Variants in MYT1 observed in about 807,000 individuals in gnomAD.
The protein encoded by MYT1 is myelin transcription factor I.
A neutral mutation model predicts 123.0 loss-of-function variants in MYT1; 23 were observed. That is an observed-to-expected ratio of 0.19 (90% confidence interval 0.13 to 0.26). The LOEUF is 0.26. Ranked by LOEUF, MYT1 falls within the 10% of genes least tolerant of loss-of-function variation. The pLI, the probability that MYT1 is intolerant of heterozygous loss-of-function variation, is 1.00. For missense variants in MYT1, 1,125 were observed against 1,472.5 expected, an observed-to-expected ratio of 0.76 and a Z score of 3.86; for synonymous variants, 518 against 575.3, an observed-to-expected ratio of 0.90 and a Z score of 1.43.
In MYT1 at chr20:64,208,209, C is replaced by T. The variant is rs6010736; in HGVS notation, c.1013C>T (p.Pro338Leu). 6.2e-7 allele frequency: 1 copy of T among 1,614,030 alleles called. No individual in the cohort carries two copies. The highest frequency in any genetic ancestry group is 8.5e-7 in the Non-Finnish European group (1 of 1,180,026). ...LRGPESPSPK[P>L]EYSVIVEVRS... ...GGCCCAGAATCACCCAGTCCCAAGC[C>T]TGAGTACTCTGTTATTGTGGAGGTC... is the stretch of plus-strand genomic sequence containing the variant. Residue 338 changes from proline to leucine, a missense_variant, in exon 7 of 23, where the codon CCT becomes CTT. By Grantham distance (98) the Pro-to-Leu change is moderately conservative. Transcript: ENST00000328439. The surrounding 1 kb of genome is among the most constrained non-coding windows in gnomAD (Gnocchi z 5.4).
intron 16 of MYT1, among the ~76,000 whole-genome samples, chr20:64,226,267 G>A (rs1028087847): frequency 2.0e-5 from 3 of 152,286 alleles, no homozygotes; most frequent in East Asian, 1.9e-4. Flanking sequence ...CCTAGGGGCC[G>A]AAGAGAAGGT....
At chr20:64,170,884 TAGAGAGAGAGAGAGAGAGAG>T (rs71197459) in intron 1 of MYT1, among the ~76,000 whole-genome samples, 6 of 20,010 alleles carry the variant, frequency 3.0e-4, no homozygotes, top group African/African-American at 9.3e-4. Flanking sequence ...TATATATATA[TAGAGAGAGAGAGAGAGAGAG>T]AGAGAGAGAG....
intron 1 of MYT1, among the ~76,000 whole-genome samples, chr20:64,169,919 G>A (rs1482229970): frequency 3.3e-5 from 5 of 152,034 alleles, no homozygotes; most frequent in African/African-American, 4.8e-5. Context: ...GGTGTAGCTC[G>A]AATCTAAGAT....
chr20:64,208,041 A>G lies in MYT1; in HGVS notation c.845A>G (p.Glu282Gly), dbSNP rs745623930. The G allele has an allele frequency of 6.2e-7, 1 of 1,601,330 alleles. No homozygotes were observed. Among genetic ancestry groups the G allele is most frequent in the South Asian group, 1.1e-5 (1 of 88,282 alleles). Residue 282 changes from glutamate to glycine, a missense_variant, in exon 7 of 23, where the codon GAG becomes GGG. Glu to Gly is a moderately conservative substitution (Grantham distance 98). This residue lies in a region of MYT1 where 406 missense variants were observed against 432.2 expected (regional missense o/e 0.94). Coordinates refer to ENST00000328439, the MANE Select transcript of MYT1 (RefSeq NM_004535.3). The surrounding 1 kb of genome is among the most constrained non-coding windows in gnomAD (Gnocchi z 5.4). ...EEDEEEEEEE[E>G]EEEEEEEEEE... ...GATGAAGAAGAGGAAGAGGAAGAGG[A>G]GGAGGAAGAGGAAGAGGAGGAGGAG...
chr20:64,211,077 C>G, intron 7 of MYT1, 129 bp from the exon 8 acceptor site: 1 of 1,036,504 alleles, frequency 9.6e-7, no homozygotes, highest in Non-Finnish European at 1.4e-6. Flanking sequence ...AGTCCCTGTT[C>G]AAGCTCATGG....
Position 64,212,062 on chromosome 20 carries a change from G to T in MYT1, c.1441G>T (p.Glu481Ter). The change falls in exon 9 of 23, where the codon GAG (glutamate) becomes TAG (stop). Residue 481 changes from glutamate (E) to a stop codon, truncating the protein, a stop_gained. Transcript: ENST00000328439. LOFTEE classifies it high-confidence loss of function. This position sits in a 1 kb window ranked among gnomAD's most constrained non-coding sequence, Gnocchi z 6.8. ...TTCTCTTACAGTCTTAGCCATGCAT[G>T]AGAACGTGCTGAAGTGCCCCACTCC... ...RIPPEILAMH[E>*]NVLKCPTPGC... 6.2e-7 allele frequency: 1 copy of T among 1,613,874 alleles called. No homozygotes were observed. The highest frequency in any genetic ancestry group is 1.1e-5 in the South Asian group (1 of 91,072).
chr20:64,205,803 G>A lies in MYT1; in HGVS notation c.397+3G>A. The A allele has an allele frequency of 2.5e-6, 4 of 1,612,736 alleles. No homozygotes were observed. The highest frequency in any genetic ancestry group is 3.4e-6 in the Non-Finnish European group (4 of 1,179,198). On this transcript the variant is annotated splice_donor_region_variant and intron_variant, in intron 6 of 22. Coordinates refer to ENST00000328439, the MANE Select transcript of MYT1 (RefSeq NM_004535.3). ...TCATCGCCCCGAGACAGCTGAAGGT[G>A]CTTTGTCGCTCTTTCTTCCCCGAAT... is the stretch of plus-strand genomic sequence containing the variant.
At chr20:64,227,704 C>A (rs1984208464) in intron 17 of MYT1, among the ~76,000 whole-genome samples, 184 bp from the exon 18 acceptor site, 1 of 152,158 alleles carries the variant, frequency 6.6e-6, no homozygotes, top group South Asian at 2.1e-4. Context: ...CCTTCCCGAC[C>A]CTGCTGCCTC....
At chr20:64,172,506 G>T (rs190058605) in intron 1 of MYT1, among the ~76,000 whole-genome samples, 13 of 152,286 alleles carry the variant, frequency 8.5e-5, no homozygotes, top group Admixed American at 3.3e-4. Context: ...TGTCTTCAAG[G>T]CCTCAGTAAA....
chr20:64,222,437 C>A (rs1601720179), intron 14 of MYT1, among the ~76,000 whole-genome samples: 1 of 152,244 alleles, frequency 6.6e-6, no homozygotes, highest in Non-Finnish European at 1.5e-5. Context: ...GGCTCCATGG[C>A]CAAGGCCTGG....
In MYT1 at chr20:64,199,907, C is replaced by T. The variant is rs758902158; in HGVS notation, c.71C>T (p.Thr24Ile). ...SKALRGPPET[T>I]AADLSCPTPG... ...TTTTTCCCAGGACCCCCAGAGACCA[C>T]AGCTGCAGACCTCAGGTAAGGAAGT... Residue 24 changes from threonine (T) to isoleucine (I), a missense_variant, in exon 4 of 23, where the codon ACA becomes ATA. By Grantham distance (89) the Thr-to-Ile change is moderately conservative (BLOSUM62 -1). This residue lies in a region of MYT1 where 406 missense variants were observed against 432.2 expected (regional missense o/e 0.94). Coordinates refer to ENST00000328439, the MANE Select transcript of MYT1 (RefSeq NM_004535.3). 5.6e-6 allele frequency: 9 copies of T among 1,614,082 alleles called. No homozygotes were observed. The highest frequency in any genetic ancestry group is 7.6e-6 in the Non-Finnish European group (9 of 1,180,014).
rs1983553624 is a variant in MYT1 at position 64,208,147 on chromosome 20, C to T, written c.951C>T (p.Thr317=). The change falls in exon 7 of 23, where the codon ACC becomes ACT. Residue 317 remains threonine, a synonymous_variant. Transcript: ENST00000328439. This position sits in a 1 kb window ranked among gnomAD's most constrained non-coding sequence, Gnocchi z 5.4. ...AAPDVIFQED[T]SHTSAQKAPE... Reference sequence around the variant, plus strand: ...CTGATGTGATCTTTCAGGAAGACACCTCTCACACCTCTGCCCAGAAGGCCC... The same window carrying T: ...CTGATGTGATCTTTCAGGAAGACACTTCTCACACCTCTGCCCAGAAGGCCC... The T allele has an allele frequency of 1.9e-6, 3 of 1,612,740 alleles. No individual in the cohort carries two copies. Among genetic ancestry groups the T allele is most frequent in the African/African-American group, 1.3e-5 (1 of 74,852 alleles).
intron 4 of MYT1, among the ~76,000 whole-genome samples, chr20:64,200,994 G>C (rs188813464): frequency 6.6e-6 from 1 of 152,200 alleles, no homozygotes; most frequent in Admixed American, 6.5e-5. Flanking sequence ...CGGTGATTGC[G>C]ACGGCGAGAG....
intron 12 of MYT1, 151 bp from the exon 13 acceptor site, chr20:64,219,562 T>G: frequency 1.5e-6 from 1 of 689,172 alleles, no homozygotes; most frequent in Non-Finnish European, 2.4e-6. Context: ...GCAGCTGGAT[T>G]TTTTCCCTCT....
In MYT1 at chr20:64,202,227, T is replaced by G. The variant is rs1200447780; in HGVS notation, c.86+2305T>G. Among the ~76,000 whole-genome samples the G allele has an allele frequency of 6.6e-6, 1 of 152,220 alleles. No homozygotes were observed. The highest frequency in any genetic ancestry group is 1.5e-5 in the Non-Finnish European group (1 of 68,034). ...TTTACCAGGTGAGCTGAGGAGAGGT[T>G]GGACTTGGATCGAGCAGGACCCTGA... On this transcript the variant is annotated intron_variant, in intron 4 of 22. Coordinates refer to ENST00000328439, the MANE Select transcript of MYT1 (RefSeq NM_004535.3). The surrounding 1 kb of genome is among the most constrained non-coding windows in gnomAD (Gnocchi z 5.0).
rs768769946 is a variant in MYT1 at position 64,202,371 on chromosome 20, G to C, written c.86+2449G>C. ...CGTTTCAGCTTGTATTTTTGCCTGG[G>C]TCCATCTGTTGTCACATGGCCTCAG... On this transcript the variant is annotated intron_variant, in intron 4 of 22. Transcript: ENST00000328439. This position sits in a 1 kb window ranked among gnomAD's most constrained non-coding sequence, Gnocchi z 5.0. Among the ~76,000 whole-genome samples the C allele has an allele frequency of 6.6e-6, 1 of 152,124 alleles. No individual in the cohort carries two copies. Among genetic ancestry groups the C allele is most frequent in the Non-Finnish European group, 1.5e-5 (1 of 68,032 alleles).
At chr20:64,210,724 C>T (rs967330215) in intron 7 of MYT1, among the ~76,000 whole-genome samples, 3 of 152,220 alleles carry the variant, frequency 2.0e-5, no homozygotes, top group Non-Finnish European at 2.9e-5. Context: ...TAGAAGAGGT[C>T]GATAACTGAG....
intron 8 of MYT1, 67 bp from the exon 9 acceptor site, chr20:64,211,981 C>T: frequency 2.9e-6 from 4 of 1,374,858 alleles, no homozygotes; most frequent in Non-Finnish European, 4.1e-6. Context: ...CCTGTGCTCC[C>T]CACACAGCTG....
At chr20:64,226,374 C>T (rs527400945) in intron 16 of MYT1, among the ~76,000 whole-genome samples, 11 of 152,264 alleles carry the variant, frequency 7.2e-5, no homozygotes, top group Non-Finnish European at 1.3e-4. Flanking sequence ...GATGTCCTGT[C>T]CCAGTGGCCG....
Sources: allele counts gnomAD v4.1 joint callset (sites outside exome capture counted in the v4.1 genomes callset), GRCh38; gene constraint gnomAD v4.1.1; regional missense constraint gnomAD v4.1.1; non-coding constraint Gnocchi (gnomAD v3.1); transcripts MANE v1.5; gene names NCBI Gene and HGNC (gene_info 2026-07-23, HGNC 2026-07-21).